Variants in CYP2J2 observed in about 807,000 individuals in gnomAD.
CYP2J2 encodes cytochrome P450 family 2 subfamily J member 2.
A neutral mutation model predicts 48.8 loss-of-function variants in CYP2J2; 41 were observed. The ratio of observed to expected loss-of-function variants is 0.84; its 90% CI spans 0.66 to 1.09. The LOEUF is 1.09. CYP2J2 is among the 50% of genes least tolerant of loss of function. The pLI is 0.00. For missense variants in CYP2J2, 644 were observed against 617.3 expected (o/e 1.04, Z -0.46); for synonymous variants, 221 against 227.1 (o/e 0.97, Z 0.24).
the CYP2J2 span, among the ~76,000 whole-genome samples, chr1:59,953,466 G>A: frequency 6.6e-6 from 1 of 151,640 alleles, no homozygotes; most frequent in Non-Finnish European, 1.5e-5. Flanking sequence ...TGGTATGAAG[G>A]CAGTAGCATA....
chr1:59,945,162 A>T, the CYP2J2 span, among the ~76,000 whole-genome samples: 43 of 152,320 alleles, frequency 2.8e-4, 1 homozygote, highest in African/African-American at 1.0e-3. Context: ...AAAATGGTTA[A>T]GAACAGCATT....
intron 1 of CYP2J2, among the ~76,000 whole-genome samples, chr1:59,923,522 A>G (rs992484105): frequency 1.3e-5 from 2 of 152,236 alleles, no homozygotes; most frequent in Non-Finnish European, 2.9e-5. Context: ...AATATTTAAA[A>G]GCAGCTGTTA....
chr1:59,916,226 T>C (rs1331334611), intron 1 of CYP2J2, 126 bp from the exon 2 acceptor site: 2 of 369,100 alleles, frequency 5.4e-6, no homozygotes, highest in African/African-American at 2.1e-5. Context: ...TGTGTGTACG[T>C]GTGTGTGTGT....
intron 8 of CYP2J2, among the ~76,000 whole-genome samples, chr1:59,894,601 A>G (rs1644253080): frequency 2.0e-5 from 3 of 152,202 alleles, no homozygotes; most frequent in South Asian, 4.1e-4. Context: ...CAACCTCTCT[A>G]GGAATCAGTG....
chr1:59,915,010 G>A (rs977817964), intron 2 of CYP2J2, among the ~76,000 whole-genome samples: 1 of 152,230 alleles, frequency 6.6e-6, no homozygotes, highest in African/African-American at 2.4e-5. Flanking sequence ...CTACTGGGAT[G>A]TTTGGGTGGA....
At chr1:59,953,609 A>G in the CYP2J2 span, among the ~76,000 whole-genome samples, 1 of 152,030 alleles carries the variant, frequency 6.6e-6, no homozygotes, top group East Asian at 1.9e-4. Context: ...GAGCAGTAAC[A>G]TATGTCATAA....
At chr1:59,947,639 T>C in the CYP2J2 span, among the ~76,000 whole-genome samples, 1 of 152,182 alleles carries the variant, frequency 6.6e-6, no homozygotes, top group Admixed American at 6.5e-5. Flanking sequence ...ATGAGAGTGA[T>C]CACGCCAGTA....
rs1574247007 is a variant in CYP2J2, at chr1:59,901,035, T to A, written c.1260A>T (p.Thr420=). ...TCTCCAGAAAATGGTCCGGATTGAA[T>A]GTGTCAGGGGTGGCCCACTCTGTGG... is the stretch of plus-strand genomic sequence containing the variant. ...RDPTEWATPD[T]FNPDHFLENG... is the part of the protein sequence containing the mutation. The change falls in exon 8 of 9, where the codon ACA becomes ACT. Residue 420 remains threonine, a synonymous_variant. Coordinates refer to ENST00000371204, the MANE Select transcript of CYP2J2 (RefSeq NM_000775.4). 1 of 1,614,170 alleles carries A rather than the reference T, an allele frequency of 6.2e-7. No individual in the cohort carries two copies. The highest frequency in any genetic ancestry group is 8.5e-7 in the Non-Finnish European group (1 of 1,180,022).
intron 8 of CYP2J2, 107 bp downstream of exon 8, chr1:59,900,858 C>T: frequency 1.5e-6 from 2 of 1,333,946 alleles, no homozygotes; most frequent in East Asian, 2.3e-5. Context: ...TCGCACTGGC[C>T]AGGCTGTCTG....
the CYP2J2 span, among the ~76,000 whole-genome samples, chr1:59,967,293 C>T: frequency 6.6e-6 from 1 of 152,194 alleles, no homozygotes; most frequent in Non-Finnish European, 1.5e-5. Context: ...CATCCAATTT[C>T]CTCTTTGGAA....
chr1:59,948,607 C>A, the CYP2J2 span, among the ~76,000 whole-genome samples: 1 of 152,010 alleles, frequency 6.6e-6, no homozygotes, highest in African/African-American at 2.4e-5. Flanking sequence ...ACTTTTGCAC[C>A]AACCTAATAT....
chr1:59,912,838 G>A (rs1343582701), intron 2 of CYP2J2: 1 of 152,718 alleles, frequency 6.5e-6, no homozygotes, highest in Non-Finnish European at 1.5e-5. Flanking sequence ...TTATAGGAGA[G>A]GTCCTATCTA....
chr1:59,958,035 A>AAT, the CYP2J2 span, among the ~76,000 whole-genome samples: 7 of 152,322 alleles, frequency 4.6e-5, no homozygotes, highest in African/African-American at 1.7e-4. Context: ...TTGACAAGAC[A>AAT]ATATGGTCTC....
chr1:59,898,899 C>T (rs1490610326), intron 8 of CYP2J2, among the ~76,000 whole-genome samples: 1 of 152,174 alleles, frequency 6.6e-6, no homozygotes, highest in Non-Finnish European at 1.5e-5. Flanking sequence ...AGCAAAGCAG[C>T]AGTGAGTCAC....
the CYP2J2 span, among the ~76,000 whole-genome samples, chr1:59,941,367 T>C: frequency 6.6e-6 from 1 of 152,214 alleles, no homozygotes; most frequent in East Asian, 1.9e-4. Context: ...ATATTTGTGA[T>C]AATGCTGATG....
intron 8 of CYP2J2, 134 bp from the exon 9 acceptor site, chr1:59,893,963 G>A: frequency 1.3e-6 from 1 of 773,694 alleles, no homozygotes; most frequent in Non-Finnish European, 2.0e-6. Context: ...GTTATGGCCA[G>A]CAGCTTATTT....
chr1:59,935,021 T>TATATATATATATATATATATAC, the CYP2J2 span, among the ~76,000 whole-genome samples: 39 of 48,108 alleles, frequency 8.1e-4, 1 homozygote, highest in Non-Finnish European at 1.5e-3. Context: ...TATACATATA[T>TATATATATATATATATATATAC]ATATATATAT....
chr1:59,895,411 G>A (rs1413547047), intron 8 of CYP2J2, among the ~76,000 whole-genome samples: 1 of 152,184 alleles, frequency 6.6e-6, no homozygotes, highest in Non-Finnish European at 1.5e-5. Flanking sequence ...TATCACCAAA[G>A]TGATACTGTA....
upstream of CYP2J2, among the ~76,000 whole-genome samples, chr1:59,927,045 G>A (rs919026427): frequency 6.6e-6 from 1 of 152,186 alleles, no homozygotes; most frequent in Non-Finnish European, 1.5e-5. Flanking sequence ...ACTGTGCCTG[G>A]TAAACAGCGA....
Sources: allele counts gnomAD v4.1 joint callset (sites outside exome capture counted in the v4.1 genomes callset), GRCh38; gene constraint gnomAD v4.1.1; transcripts MANE v1.5; gene names NCBI Gene and HGNC (gene_info 2026-07-23, HGNC 2026-07-21).